The following KANSL1L variants were observed in gnomAD, a reference collection of about 807,000 sequenced individuals.
KANSL1L encodes KAT8 regulatory NSL complex subunit 1 like, also known as KAT8 regulatory NSL complex subunit 1-like protein.
Under a neutral mutation model 108.6 loss-of-function variants are expected in KANSL1L, and 25 were observed. That is an observed-to-expected ratio of 0.23 (90% CI 0.17 to 0.32). The LOEUF (loss-of-function observed/expected upper bound fraction) is 0.32. Ranked by LOEUF, KANSL1L falls within the 10% of genes least tolerant of loss-of-function variation. The pLI is 1.00. For synonymous variants in KANSL1L, 405 were observed against 395.1 expected (o/e 1.03, Z -0.30); for missense variants, 1,137 against 1,125.7 (o/e 1.01, Z -0.14).
intron 4 of KANSL1L, among the ~76,000 whole-genome samples, chr2:210,102,387 A>C (rs1273656100): frequency 6.6e-6 from 1 of 152,214 alleles, no homozygotes; most frequent in African/African-American, 2.4e-5. Context: ...AGGCAATACC[A>C]TTCAGGACAT....
intron 6 of KANSL1L, among the ~76,000 whole-genome samples, chr2:210,049,197 G>A (rs187986286): frequency 2.2e-3 from 340 of 152,126 alleles, no homozygotes; most frequent in African/African-American, 7.7e-3. Context: ...AAACTTCTAT[G>A]GAGTTTAATT....
intron 2 of KANSL1L, among the ~76,000 whole-genome samples, chr2:210,132,915 A>T (rs2125557191): frequency 6.6e-6 from 1 of 152,318 alleles, no homozygotes; most frequent in Admixed American, 6.5e-5. Context: ...GAAATTAATC[A>T]GTGAAGCCAT....
Position 210,028,973 on chromosome 2 carries a change from C to T in KANSL1L, c.2272-4G>A. 6.2e-7 allele frequency: 1 copy of T among 1,607,876 alleles called. No homozygotes were observed. The highest frequency in any genetic ancestry group is 8.5e-7 in the Non-Finnish European group (1 of 1,176,518). ...TCAATCTCCGTCGTGCAGTATTCTG[C>T]AAAACAGGATTACAGTAGATTTACA... is the stretch of plus-strand genomic sequence containing the variant. On this transcript the variant is annotated splice_polypyrimidine_tract_variant and splice_region_variant and intron_variant, in intron 10 of 14. Transcript: ENST00000281772.
intron 1 of KANSL1L, among the ~76,000 whole-genome samples, chr2:210,166,076 G>A (rs1410634482): frequency 6.6e-6 from 1 of 151,990 alleles, no homozygotes; most frequent in Non-Finnish European, 1.5e-5. Flanking sequence ...GTACCACTGG[G>A]GATCTGAAAC....
chr2:210,045,331 T>C (rs1432178221), intron 6 of KANSL1L, among the ~76,000 whole-genome samples: 1 of 152,188 alleles, frequency 6.6e-6, no homozygotes, highest in East Asian at 1.9e-4. Flanking sequence ...GAGATTACAA[T>C]GTGCATCCTT....
chr2:210,027,809 A>G (rs2093957895), intron 11 of KANSL1L, among the ~76,000 whole-genome samples: 1 of 152,194 alleles, frequency 6.6e-6, no homozygotes. Context: ...GCTCCAGCCT[A>G]CCATTGCAAG....
At chr2:210,093,686 A>C (rs1195745068) in intron 5 of KANSL1L, among the ~76,000 whole-genome samples, 3 of 152,196 alleles carry the variant, frequency 2.0e-5, no homozygotes, top group Admixed American at 1.3e-4. Context: ...AAATAAACAA[A>C]ATTTAAAAAT....
chr2:210,133,281 A>G (rs978362311), intron 2 of KANSL1L, among the ~76,000 whole-genome samples: 1 of 152,104 alleles, frequency 6.6e-6, no homozygotes, highest in African/African-American at 2.4e-5. Flanking sequence ...ATTGCTTATA[A>G]TACATAATAC....
intron 2 of KANSL1L, among the ~76,000 whole-genome samples, chr2:210,137,477 C>A (rs1169642169): frequency 1.3e-5 from 2 of 152,066 alleles, no homozygotes; most frequent in Non-Finnish European, 2.9e-5. Context: ...CCCTAAATGC[C>A]AAATACGTCA....
intron 1 of KANSL1L, among the ~76,000 whole-genome samples, chr2:210,158,584 T>C (rs894653345): frequency 2.6e-5 from 4 of 152,088 alleles, no homozygotes; most frequent in Non-Finnish European, 4.4e-5. Context: ...AAATAATGAA[T>C]ACACTTGGAT....
At chr2:210,045,821 C>A (rs2094217208) in intron 6 of KANSL1L, among the ~76,000 whole-genome samples, 1 of 151,952 alleles carries the variant, frequency 6.6e-6, no homozygotes, top group African/African-American at 2.4e-5. Context: ...TATTACTGCC[C>A]CCACTTGAAA....
chr2:210,152,765 G>A (rs911471986), intron 2 of KANSL1L: 5 of 152,194 alleles, frequency 3.3e-5, no homozygotes, highest in Non-Finnish European at 7.4e-5. Context: ...CAACTTACAT[G>A]TACTCTCAAC....
At position 210,148,992 on chromosome 2, in the gene KANSL1L, T is replaced by G. The variant is rs548263358; in HGVS notation, c.1088+4503A>C. On this transcript the variant is annotated intron_variant, in intron 2 of 14. Coordinates refer to ENST00000281772, the MANE Select transcript of KANSL1L (RefSeq NM_152519.4). ...GAAAATTATAATAAAATCATTACTT[T>G]TAAATGTCCATATTTTGGTATATTT... Among the ~76,000 whole-genome samples the G allele has an allele frequency of 3.9e-5, 6 of 152,256 alleles. No homozygotes were observed. In the East Asian group the frequency reaches 1.2e-3, roughly 29 times the overall value.
intron 2 of KANSL1L, among the ~76,000 whole-genome samples, chr2:210,143,766 T>C (rs1010421485): frequency 8.5e-5 from 13 of 152,304 alleles, no homozygotes; most frequent in African/African-American, 2.9e-4. Flanking sequence ...TTCTATGCTT[T>C]TGATATCACA....
chr2:210,171,090 C>G (rs1439743943), intron 1 of KANSL1L, 59 bp downstream of exon 1: 1 of 152,458 alleles, frequency 6.6e-6, no homozygotes, highest in African/African-American at 2.4e-5. Flanking sequence ...GCGCTGCCGC[C>G]GTCCCCAAGA....
intron 2 of KANSL1L, among the ~76,000 whole-genome samples, chr2:210,149,978 T>C (rs1191727246): frequency 1.3e-5 from 2 of 151,852 alleles, no homozygotes; most frequent in South Asian, 2.1e-4. Context: ...ATAAATTTAG[T>C]ATTATTGATT....
chr2:210,156,582 CATATAA>C (rs1020772791), intron 1 of KANSL1L, among the ~76,000 whole-genome samples: 11 of 151,694 alleles, frequency 7.3e-5, no homozygotes, highest in South Asian at 2.1e-4. Context: ...AGTATAGTAC[CATATAA>C]ATATAACACA....
At position 210,021,754 on chromosome 2, in the gene KANSL1L, T is replaced by C. The variant is rs1362150671; in HGVS notation, c.*1195A>G. 6.6e-6 allele frequency: 1 copy of C among 152,096 alleles called. No individual in the cohort carries two copies. The highest frequency in any genetic ancestry group is 1.5e-5 in the Non-Finnish European group (1 of 67,940). 9.4% of individuals were successfully genotyped at this position (152,096 alleles called of 1,614,324 possible). A position where few individuals can be genotyped will look rare whatever the true frequency, so the allele number is the denominator to read the frequency against. ...CATGACAAAAAGTGAGTTATATAAA[T>C]TGTCCTCAACTTTCACATAGGAAAA... On this transcript the variant is annotated 3_prime_UTR_variant, in exon 15 of 15. Transcript: ENST00000281772.
chr2:210,092,904 G>C (rs1420299038), intron 5 of KANSL1L, among the ~76,000 whole-genome samples: 1 of 151,720 alleles, frequency 6.6e-6, no homozygotes, highest in African/African-American at 2.4e-5. Flanking sequence ...ACCATGATCA[G>C]AACATCTCAA....
Sources: allele counts gnomAD v4.1 joint callset (sites outside exome capture counted in the v4.1 genomes callset), GRCh38; gene constraint gnomAD v4.1.1; transcripts MANE v1.5; gene names NCBI Gene and HGNC (gene_info 2026-07-23, HGNC 2026-07-21).